KREMEN1: variants seen among roughly 807,000 people sequenced by gnomAD.
KREMEN1 encodes the protein kremen protein 1.
In KREMEN1, 30 loss-of-function variants were observed where a neutral mutation model predicts 46.5. The observed-to-expected ratio is 0.65, with a 90% CI of 0.48 to 0.88. The LOEUF (loss-of-function observed/expected upper bound fraction) is 0.88. Among genes scored for constraint, KREMEN1 ranks in the 40% least tolerant of loss-of-function variants. KREMEN1 has a pLI of 0.00. For synonymous variants in KREMEN1, 214 were observed against 230.6 expected, an observed-to-expected ratio of 0.93 and a Z score of 0.65; for missense variants, 533 against 596.9, an observed-to-expected ratio of 0.89 and a Z score of 1.11.
chr22:29,127,174 C>T (rs1796815946), intron 5 of KREMEN1, among the ~76,000 whole-genome samples: 1 of 152,096 alleles, frequency 6.6e-6, no homozygotes, highest in South Asian at 2.1e-4. Flanking sequence ...TGGCACCCTT[C>T]TGAAGTAGGG....
chr22:29,137,805 A>T (rs1296271157), intron 6 of KREMEN1, 131 bp downstream of exon 6: 1 of 630,438 alleles, frequency 1.6e-6, no homozygotes. Flanking sequence ...CAACTTGCAG[A>T]TCACCCCGAG....
chr22:29,082,575 T>G (rs1260807520), intron 1 of KREMEN1, among the ~76,000 whole-genome samples: 2 of 152,184 alleles, frequency 1.3e-5, no homozygotes, highest in Non-Finnish European at 2.9e-5. Flanking sequence ...TAGCCCCTCA[T>G]TCACCAGCTT....
chr22:29,083,516 G>A (rs1818991174), intron 1 of KREMEN1, among the ~76,000 whole-genome samples: 2 of 152,194 alleles, frequency 1.3e-5, no homozygotes, highest in African/African-American at 4.8e-5. Context: ...CCCCAAAAGG[G>A]GGTTCTTGGA....
At chr22:29,103,915 C>A (rs1208685769) in intron 3 of KREMEN1, among the ~76,000 whole-genome samples, 3 of 151,856 alleles carry the variant, frequency 2.0e-5, no homozygotes, top group Non-Finnish European at 4.4e-5. Flanking sequence ...ATCCAGCCCC[C>A]CAAACAGTGA....
intron 3 of KREMEN1, among the ~76,000 whole-genome samples, chr22:29,119,396 G>C (rs1234614754): frequency 6.6e-6 from 1 of 152,176 alleles, no homozygotes; most frequent in Non-Finnish European, 1.5e-5. Flanking sequence ...AGGCATGATT[G>C]ATTATTAACT....
At chr22:29,094,192 C>A in intron 1 of KREMEN1, 66 bp from the exon 2 acceptor site, 1 of 1,402,626 alleles carries the variant, frequency 7.1e-7, no homozygotes, top group Non-Finnish European at 9.9e-7. Flanking sequence ...AAAACATCAA[C>A]CAAAGAGGGA....
At chr22:29,123,375 A>T in intron 4 of KREMEN1, among the ~76,000 whole-genome samples, 1 of 152,220 alleles carries the variant, frequency 6.6e-6, no homozygotes, top group South Asian at 2.1e-4. Context: ...ACAACTCAAT[A>T]GTTAAAAAAA....
At chr22:29,091,825 A>T (rs1054693577) in intron 1 of KREMEN1, among the ~76,000 whole-genome samples, 4 of 152,222 alleles carry the variant, frequency 2.6e-5, no homozygotes, top group Admixed American at 2.6e-4. Flanking sequence ...AGGAGTAAAG[A>T]TGATGAGAAG....
At position 29,143,748 on chromosome 22, in the gene KREMEN1, A is replaced by G; in HGVS notation, c.*1636A>G. 1 of 985,638 alleles carries G rather than the reference A, an allele frequency of 1.0e-6. No homozygotes were observed. The highest frequency in any genetic ancestry group is 1.2e-6 in the Non-Finnish European group (1 of 830,282). The allele number at this position is 985,638 out of a possible 1,614,324, so 61.1% of individuals were successfully genotyped here. The stretch of plus-strand genomic sequence containing the variant: ...CAGTGCAAGACTCTGTCTCAAAAAA[A>G]AAAAAAACACTCCAAGGGCCATCCG... On this transcript the variant is annotated 3_prime_UTR_variant, in exon 9 of 9. Coordinates refer to ENST00000400335, the MANE Select transcript of KREMEN1 (RefSeq NM_001039570.3).
downstream of KREMEN1, among the ~76,000 whole-genome samples, chr22:29,149,791 AC>A (rs1326555151): frequency 5.9e-5 from 9 of 152,216 alleles, no homozygotes; most frequent in African/African-American, 1.9e-4. Context: ...GTTCTCCTGA[AC>A]CTGACAGATG....
Position 29,143,452 on chromosome 22 carries a change from C to T in KREMEN1, c.*1340C>T. Reference sequence around the variant, plus strand: ...GTCCCCCGTGTTAAAAGATAAAAAACACCCCAAGGGCCGGGCGCGGTGGCT... The same window carrying T: ...GTCCCCCGTGTTAAAAGATAAAAAATACCCCAAGGGCCGGGCGCGGTGGCT... On this transcript the variant is annotated 3_prime_UTR_variant, in exon 9 of 9. Transcript: ENST00000400335. 1 of 985,384 alleles carries T rather than the reference C, an allele frequency of 1.0e-6. No individual in the cohort carries two copies. Among genetic ancestry groups the T allele is most frequent in the Non-Finnish European group, 1.2e-6 (1 of 829,986 alleles). 61.0% of individuals were successfully genotyped at this position (985,384 alleles called of 1,614,324 possible).
chr22:29,159,549 A>G (rs1287165291), intron 9 of KREMEN1, among the ~76,000 whole-genome samples: 1 of 151,986 alleles, frequency 6.6e-6, no homozygotes, highest in Non-Finnish European at 1.5e-5. Flanking sequence ...AACCCAGGAG[A>G]CGGAGGTTGC....
intron 1 of KREMEN1, among the ~76,000 whole-genome samples, chr22:29,093,865 C>A (rs920029013): frequency 6.6e-6 from 1 of 152,202 alleles, no homozygotes; most frequent in Non-Finnish European, 1.5e-5. Flanking sequence ...CCACACAGAG[C>A]CACTGGCGAG....
At chr22:29,119,852 G>A (rs1294924482) in intron 3 of KREMEN1, among the ~76,000 whole-genome samples, 3 of 152,186 alleles carry the variant, frequency 2.0e-5, no homozygotes, top group East Asian at 1.9e-4. Context: ...CTGTGAATAC[G>A]TTACCTTAGA....
intron 7 of KREMEN1, among the ~76,000 whole-genome samples, chr22:29,139,517 C>A (rs183588818): frequency 1.3e-5 from 2 of 152,050 alleles, no homozygotes; most frequent in Admixed American, 1.3e-4. Context: ...GTGGGAGGAT[C>A]GCTTGAGCCC....
At chr22:29,122,722 G>A (rs5752869) in intron 4 of KREMEN1, among the ~76,000 whole-genome samples, 9,055 of 151,610 alleles carry the variant, frequency 0.06, 340 homozygotes, top group East Asian at 0.16. Context: ...GGTGGATCAC[G>A]AGGTCAGGAG....
intron 9 of KREMEN1, among the ~76,000 whole-genome samples, chr22:29,152,449 C>A (rs1212628651): frequency 1.3e-5 from 2 of 152,234 alleles, no homozygotes; most frequent in Non-Finnish European, 2.9e-5. Context: ...GCCAAACAGG[C>A]TAAAATCACT....
At chr22:29,098,462 C>T (rs1040317593) in intron 2 of KREMEN1, among the ~76,000 whole-genome samples, 5 of 152,182 alleles carry the variant, frequency 3.3e-5, no homozygotes, top group Non-Finnish European at 7.3e-5. Flanking sequence ...CAAATTGCCG[C>T]TCTGACCATT....
At position 29,094,321 on chromosome 22, in the gene KREMEN1, G is replaced by A; in HGVS notation, c.161G>A (p.Gly54Glu). The change falls in exon 2 of 9, where the codon GGG (glycine) becomes GAG (glutamate). Residue 54 changes from glycine (G) to glutamate (E), a missense_variant. Transcript: ENST00000400335. ...CAGAACTGGACAGCACTACAAGGCG[G>A]GAAGCCATGTCTGTTTTGGAACGAG... ...GTQNWTALQGGKPCLFWNETF... is the reference protein window; with the variant it reads ...GTQNWTALQGEKPCLFWNETF... The A allele has an allele frequency of 6.2e-7, 1 of 1,613,732 alleles. No individual in the cohort carries two copies. Among genetic ancestry groups the A allele is most frequent in the Non-Finnish European group, 8.5e-7 (1 of 1,179,658 alleles).
Sources: gnomAD v4.1 joint callset for allele counts (sites outside exome capture counted in the v4.1 genomes callset) on GRCh38, gnomAD v4.1.1 for gene constraint, MANE v1.5 for transcripts, NCBI Gene and HGNC (gene_info 2026-07-23, HGNC 2026-07-21) for gene names.